ZNF534: variants seen among roughly 807,000 people sequenced by gnomAD.
ZNF534 encodes zinc finger protein 534, also known as KRAB domain only 3.
A neutral mutation model predicts 13.6 loss-of-function variants in ZNF534; 19 were observed. The observed-to-expected ratio is 1.40, with a 90% CI of 0.97 to 2.05. ZNF534 has a LOEUF of 2.05. Ranked by LOEUF, ZNF534 falls within the 30% of genes most tolerant of loss-of-function variation. The pLI, the probability that ZNF534 is intolerant of heterozygous loss-of-function variation, is 0.00. For synonymous variants in ZNF534, 244 were observed against 273.8 expected (o/e 0.89, Z 1.07); for missense variants, 782 against 796.3 (o/e 0.98, Z 0.22).
In ZNF534 at chr19:52,438,717, T is replaced by C. The variant is rs201506254; in HGVS notation, c.1257T>C (p.Phe419=). 266 of 1,587,670 alleles carry C rather than the reference T, an allele frequency of 1.7e-4. 2 individuals are homozygous for C. The highest frequency in any genetic ancestry group is 2.2e-4 in the Non-Finnish European group (252 of 1,166,274). Residue 419 remains phenylalanine (F), a synonymous_variant, in exon 5 of 5, where the codon TTT becomes TTC. Transcript: ENST00000433050. The part of the protein sequence containing the change: ...RYKCNECGKA[F]RTCSDLTAHL... ...AATGTAATGAATGTGGCAAAGCATT[T>C]AGAACGTGTTCAGATCTCACTGCCC...
rs796423133 is a variant in ZNF534, at chr19:52,450,670, G to GTTTTTTTTTTTTTTTTTT, written c.272-503_272-502insTTTTTTTTTTTTTTTTTT. Reference sequence around the variant, plus strand: ...CCGTAGTTCCCTATGAATTTTAGGAGTTTTTTTTTTTTTTGTTTTTGTTTT... The same window carrying GTTTTTTTTTTTTTTTTTT: ...CCGTAGTTCCCTATGAATTTTAGGAGTTTTTTTTTTTTTTTTTTTTTTTTTTTTTTTTGTTTTTGTTTT... On this transcript the variant is annotated intron_variant, in intron 4 of 4. Coordinates refer to the ZNF534 transcript ENST00000301085. Among the ~76,000 whole-genome samples, 2 of 37,768 alleles carry GTTTTTTTTTTTTTTTTTT rather than the reference G, an allele frequency of 5.3e-5. 1 individual carries two copies. The highest frequency in any genetic ancestry group is 1.7e-4 in the African/African-American group (2 of 11,906). The allele number at this position is 37,768 out of a possible 152,430, so 24.8% of individuals were successfully genotyped here.
rs1422214558 is a variant in ZNF534 at position 52,442,235 on chromosome 19, GAC to G, written c.*2792_*2793del. On this transcript the variant is annotated 3_prime_UTR_variant, in exon 5 of 5. Coordinates refer to ENST00000433050, the MANE Select transcript of ZNF534 (RefSeq NM_001143938.3). ...ACTGTGACATGTTCTTGATGGGCAT[GAC>G]ACCCATGCTGAAGGTCGTTGGTTTA... Among the ~76,000 whole-genome samples the G allele has an allele frequency of 3.9e-5, 6 of 152,318 alleles. No homozygotes were observed. The East Asian group carries it at 1.2e-3, about 29-fold the overall frequency.
intron 1 of ZNF534, among the ~76,000 whole-genome samples, chr19:52,430,269 G>A (rs758143625): frequency 6.6e-6 from 1 of 151,230 alleles, no homozygotes; most frequent in Non-Finnish European, 1.5e-5. Flanking sequence ...ACCTGCCTCG[G>A]CCTCCCAAAG....
chr19:52,437,440 A>C (rs2059135400), intron 4 of ZNF534, among the ~76,000 whole-genome samples: 1 of 152,168 alleles, frequency 6.6e-6, no homozygotes, highest in Admixed American at 6.5e-5. Flanking sequence ...AACATAGTGA[A>C]ACCCCGTCTC....
chr19:52,435,424 T>C (rs538093729), intron 4 of ZNF534, among the ~76,000 whole-genome samples: 2 of 152,130 alleles, frequency 1.3e-5, no homozygotes, highest in African/African-American at 4.8e-5. Flanking sequence ...TACATAGTGT[T>C]TGGGAAACTC....
At chr19:52,452,188 A>G (rs1329124708) in exon 5 of ZNF534, 1 of 158,214 alleles carries the variant, frequency 6.3e-6, no homozygotes, top group Non-Finnish European at 1.4e-5. Flanking sequence ...CTTTGTGGTG[A>G]CCTGATGTAA....
chr19:52,435,077 G>A lies in ZNF534; in HGVS notation c.143-4G>A, dbSNP rs568741132. The A allele has an allele frequency of 1.2e-6, 2 of 1,610,702 alleles. No homozygotes were observed. The highest frequency in any genetic ancestry group is 1.1e-5 in the South Asian group (1 of 90,442). ...ACACATTTATTCTTTCTTTTTGTAA[G>A]TAGGAATCTGTCTTCCTGACCTGAG... is the stretch of plus-strand genomic sequence containing the variant. On this transcript the variant is annotated splice_region_variant and splice_polypyrimidine_tract_variant and intron_variant, in intron 3 of 4. Coordinates refer to ENST00000433050, the MANE Select transcript of ZNF534 (RefSeq NM_001143938.3).
intron 3 of ZNF534, among the ~76,000 whole-genome samples, 152 bp from the exon 4 acceptor site, chr19:52,434,929 T>C (rs995225765): frequency 2.0e-5 from 3 of 152,210 alleles, no homozygotes; most frequent in African/African-American, 7.2e-5. Context: ...CATGTTACAA[T>C]GTTCCCTTAG....
intron 4 of ZNF534, 55 bp downstream of exon 4, chr19:52,435,264 G>A (rs1470279464): frequency 3.3e-6 from 5 of 1,534,404 alleles, no homozygotes; most frequent in Middle Eastern, 1.7e-4. Flanking sequence ...TTTTGAGAAG[G>A]GTCTCACTCT....
chr19:52,432,683 A>G (rs1369496497), intron 2 of ZNF534, among the ~76,000 whole-genome samples: 6 of 146,968 alleles, frequency 4.1e-5, no homozygotes, highest in African/African-American at 1.6e-4. Flanking sequence ...CCCAGGCTGG[A>G]GTGCAATGAT....
At chr19:52,432,018 GA>G (rs1348401235) in intron 2 of ZNF534, among the ~76,000 whole-genome samples, 1 of 151,862 alleles carries the variant, frequency 6.6e-6, no homozygotes, top group Non-Finnish European at 1.5e-5. Context: ...GTGCACAGAT[GA>G]GCAAACCTAT....
At position 52,441,137 on chromosome 19, in the gene ZNF534, C is replaced by G. The variant is rs548121797; in HGVS notation, c.*1691C>G. On this transcript the variant is annotated 3_prime_UTR_variant, in exon 5 of 5. Transcript: ENST00000433050. Reference sequence around the variant, plus strand: ...GCCAGGCTGGTCTCGATCTCCTGACCTTGTGATCCATCTGCCTTGGCCTCC... The same window carrying G: ...GCCAGGCTGGTCTCGATCTCCTGACGTTGTGATCCATCTGCCTTGGCCTCC... Among the ~76,000 whole-genome samples the G allele has an allele frequency of 1.3e-5, 2 of 152,282 alleles. No individual in the cohort carries two copies. Among genetic ancestry groups the G allele is most frequent in the South Asian group, 2.1e-4 (1 of 4,826 alleles).
chr19:52,448,106 A>T (rs1197126307), intron 4 of ZNF534, among the ~76,000 whole-genome samples: 1 of 152,050 alleles, frequency 6.6e-6, no homozygotes, highest in Non-Finnish European at 1.5e-5. Context: ...ACATAGCGTG[A>T]CCTCATCTCT....
At chr19:52,443,276 GCTT>G (rs1281105300), downstream of ZNF534, among the ~76,000 whole-genome samples, 1 of 152,138 alleles carries the variant, frequency 6.6e-6, no homozygotes, top group African/African-American at 2.4e-5. Flanking sequence ...TATTCTTTGA[GCTT>G]CTTATGTTTG....
chr19:52,450,769 C>T (rs1443959076), intron 4 of ZNF534, among the ~76,000 whole-genome samples: 5 of 146,834 alleles, frequency 3.4e-5, no homozygotes, highest in Non-Finnish European at 6.0e-5. Context: ...TCACTGCAAC[C>T]TCTGCCTCCC....
chr19:52,434,197 C>T, intron 3 of ZNF534, 116 bp downstream of exon 3: 2 of 1,479,862 alleles, frequency 1.4e-6, no homozygotes, highest in African/African-American at 1.4e-5. Flanking sequence ...AACCTGTTGA[C>T]TAAGAAATGA....
At chr19:52,451,763 G>T in exon 5 of ZNF534, 1 of 686,254 alleles carries the variant, frequency 1.5e-6, no homozygotes, top group South Asian at 1.7e-5. Context: ...GAAGATTATA[G>T]AGGAAATGTT....
rs1458802781 is a variant in ZNF534, at chr19:52,438,614, A to G, written c.1154A>G (p.Asn385Ser). The change falls in exon 5 of 5, where the codon AAT becomes AGT. Residue 385 changes from asparagine (N) to serine (S), a missense_variant. Around this residue, in one of 5 missense-constraint regions of ZNF534, gnomAD observed 591 missense variants for 574.0 expected, o/e 1.03. Transcript: ENST00000433050. ...ACTGGAGAGAAACCTTACAAATGTAATGAGTGTGGCAAGGTCTTTATTGGC... is the reference window on the plus strand; with the variant it reads ...ACTGGAGAGAAACCTTACAAATGTAGTGAGTGTGGCAAGGTCTTTATTGGC... ...VHTGEKPYKC[N>S]ECGKVFIGNS... The G allele has an allele frequency of 1.9e-6, 3 of 1,590,128 alleles. No individual in the cohort carries two copies. The highest frequency in any genetic ancestry group is 4.6e-5 in the East Asian group (2 of 43,706).
intron 4 of ZNF534, among the ~76,000 whole-genome samples, chr19:52,449,391 A>G (rs2561026): frequency 0.92 from 138,767 of 151,630 alleles, 63,850 homozygotes; most frequent in Non-Finnish European, 0.96. Flanking sequence ...TCTCTTTCCA[A>G]CAGTGGAATT....
Sources: gnomAD v4.1 joint callset for allele counts (sites outside exome capture counted in the v4.1 genomes callset) on GRCh38, gnomAD v4.1.1 for gene constraint, gnomAD v4.1.1 regional missense constraint, MANE v1.5 for transcripts, NCBI Gene and HGNC (gene_info 2026-07-23, HGNC 2026-07-21) for gene names.